The following ARHGAP15 variants were observed in gnomAD, a reference collection of about 807,000 sequenced individuals.
The protein encoded by ARHGAP15 is rho GTPase-activating protein 15.
ARHGAP15 carries 51 observed loss-of-function variants against 63.7 expected under a neutral mutation model. The observed-to-expected ratio is 0.80, with a 90% CI of 0.64 to 1.01. The LOEUF (loss-of-function observed/expected upper bound fraction) is 1.01. ARHGAP15 is among the 50% of genes least tolerant of loss of function. The pLI, the probability that ARHGAP15 is intolerant of heterozygous loss-of-function variation, is 0.00. For missense variants in ARHGAP15, 560 were observed against 564.6 expected (o/e 0.99, Z 0.08); for synonymous variants, 191 against 193.8 (o/e 0.99, Z 0.12).
chr2:143,465,867 A>G (rs1385998464), intron 8 of ARHGAP15, among the ~76,000 whole-genome samples: 1 of 152,108 alleles, frequency 6.6e-6, no homozygotes, highest in Non-Finnish European at 1.5e-5. Flanking sequence ...CCAAATTCAC[A>G]TCACCTCTCT....
At chr2:143,447,505 G>A (rs1372495988) in intron 8 of ARHGAP15, among the ~76,000 whole-genome samples, 2 of 152,136 alleles carry the variant, frequency 1.3e-5, no homozygotes, top group African/African-American at 4.8e-5. Flanking sequence ...TGTATCAAAA[G>A]GATTGTGATA....
At chr2:143,603,775 C>G (rs1373801606) in intron 11 of ARHGAP15, among the ~76,000 whole-genome samples, 1 of 152,132 alleles carries the variant, frequency 6.6e-6, no homozygotes, top group Non-Finnish European at 1.5e-5. Context: ...TGCTGCTGCT[C>G]CTTCTAAAGA....
At chr2:143,389,847 T>G (rs1261121631) in intron 6 of ARHGAP15, among the ~76,000 whole-genome samples, 2 of 152,156 alleles carry the variant, frequency 1.3e-5, no homozygotes, top group Non-Finnish European at 2.9e-5. Flanking sequence ...TTTACTTGTG[T>G]GTTTGGGCAA....
intron 13 of ARHGAP15, among the ~76,000 whole-genome samples, chr2:143,724,051 A>ATATG (rs1553532135): frequency 6.7e-6 from 1 of 149,858 alleles, no homozygotes; most frequent in Non-Finnish European, 1.5e-5. Flanking sequence ...ATCCACCTTC[A>ATATG]TGTGTGTGTG....
At chr2:143,311,573 C>T (rs1359000867) in intron 6 of ARHGAP15, among the ~76,000 whole-genome samples, 1 of 151,974 alleles carries the variant, frequency 6.6e-6, no homozygotes, top group South Asian at 2.1e-4. Flanking sequence ...GCCTTAGCTC[C>T]GTTAAAACCC....
intron 6 of ARHGAP15, among the ~76,000 whole-genome samples, chr2:143,375,423 A>T (rs140478417): frequency 2.8e-4 from 42 of 152,332 alleles, no homozygotes; most frequent in African/African-American, 8.7e-4. Flanking sequence ...ATGAAAATTC[A>T]GAACAACATA....
At chr2:143,458,768 T>A (rs1318084618) in intron 8 of ARHGAP15, among the ~76,000 whole-genome samples, 1 of 152,190 alleles carries the variant, frequency 6.6e-6, no homozygotes, top group East Asian at 1.9e-4. Flanking sequence ...TCAGCTGTTT[T>A]GACATTTTCA....
At chr2:143,432,482 A>G (rs1249894539) in intron 6 of ARHGAP15, among the ~76,000 whole-genome samples, 2 of 152,070 alleles carry the variant, frequency 1.3e-5, no homozygotes, top group African/African-American at 4.8e-5. Context: ...TTCGCTCTTC[A>G]TCAGTGAAGT....
chr2:143,236,783 T>G (rs768464295), intron 5 of ARHGAP15: 17 of 152,204 alleles, frequency 1.1e-4, no homozygotes, highest in Non-Finnish European at 1.8e-4. Context: ...TTTTTGTTGT[T>G]TATTTTACAG....
At chr2:143,294,546 A>C (rs1208605830) in intron 6 of ARHGAP15, among the ~76,000 whole-genome samples, 2 of 152,044 alleles carry the variant, frequency 1.3e-5, no homozygotes, top group Non-Finnish European at 2.9e-5. Context: ...TGTCTTCAAC[A>C]TGTGGCTTCT....
chr2:143,164,595 T>A (rs976663692), intron 2 of ARHGAP15, among the ~76,000 whole-genome samples: 6 of 151,834 alleles, frequency 4.0e-5, no homozygotes, highest in African/African-American at 1.5e-4. Flanking sequence ...TAAAGATAAA[T>A]CACATACCCA....
chr2:143,449,121 C>G (rs1437589548), intron 8 of ARHGAP15, among the ~76,000 whole-genome samples: 1 of 152,082 alleles, frequency 6.6e-6, no homozygotes, highest in East Asian at 1.9e-4. Flanking sequence ...AAGACTTACA[C>G]TGCCTTGTAA....
At chr2:143,645,741 T>G (rs1291810529) in intron 12 of ARHGAP15, among the ~76,000 whole-genome samples, 1 of 152,100 alleles carries the variant, frequency 6.6e-6, no homozygotes, top group Admixed American at 6.6e-5. Flanking sequence ...AAGCATCACG[T>G]GGTGGCTGTA....
intron 6 of ARHGAP15, among the ~76,000 whole-genome samples, chr2:143,324,601 G>C (rs1291067486): frequency 6.6e-6 from 1 of 152,162 alleles, no homozygotes; most frequent in East Asian, 1.9e-4. Context: ...TACAGGGTTA[G>C]CTGGGAAAAA....
chr2:143,484,112 C>T (rs1198424809), intron 8 of ARHGAP15, among the ~76,000 whole-genome samples: 1 of 151,998 alleles, frequency 6.6e-6, no homozygotes. Flanking sequence ...ACCTGTAATC[C>T]CAGCACTTTG....
intron 5 of ARHGAP15, among the ~76,000 whole-genome samples, chr2:143,234,852 A>T (rs570647181): frequency 6.6e-6 from 1 of 152,262 alleles, no homozygotes; most frequent in African/African-American, 2.4e-5. Context: ...TCCCTCACTG[A>T]ATTCATATTC....
At chr2:143,243,170 C>T (rs1211727410) in intron 5 of ARHGAP15, among the ~76,000 whole-genome samples, 2 of 151,986 alleles carry the variant, frequency 1.3e-5, no homozygotes, top group Non-Finnish European at 2.9e-5. Context: ...TCTTAATATA[C>T]ATTAAAAGAC....
At chr2:143,551,211 C>G (rs6717024) in intron 10 of ARHGAP15, among the ~76,000 whole-genome samples, 124,589 of 152,224 alleles carry the variant, frequency 0.82, 51,097 homozygotes, top group South Asian at 0.84. Flanking sequence ...GAGTGCAATG[C>G]TGTGATCAAG....
intron 2 of ARHGAP15, among the ~76,000 whole-genome samples, chr2:143,176,034 G>T (rs192444220): frequency 2.0e-5 from 3 of 152,168 alleles, no homozygotes; most frequent in African/African-American, 7.2e-5. Flanking sequence ...AAGACGGACA[G>T]ATTTCAAGGG....
Sources: allele counts gnomAD v4.1 joint callset (sites outside exome capture counted in the v4.1 genomes callset), GRCh38; gene constraint gnomAD v4.1.1; transcripts MANE v1.5; gene names NCBI Gene and HGNC (gene_info 2026-07-23, HGNC 2026-07-21).